Variants in YEATS2 observed in about 807,000 individuals in gnomAD.
YEATS2 encodes the protein YEATS domain containing 2, also known as YEATS domain-containing protein 2.
Under a neutral mutation model 163.2 loss-of-function variants are expected in YEATS2, and 77 were observed. The ratio of observed to expected loss-of-function variants is 0.47; its 90% CI spans 0.39 to 0.57. The LOEUF (loss-of-function observed/expected upper bound fraction) is 0.57, where lower values mean the gene tolerates loss of function less well. YEATS2 is among the 20% of genes least tolerant of loss of function. The pLI, the probability that YEATS2 is intolerant of heterozygous loss-of-function variation, is 0.00. For synonymous variants in YEATS2, 631 were observed against 645.1 expected (o/e 0.98, Z 0.33); for missense variants, 1,549 against 1,729.8 (o/e 0.90, Z 1.85).
intron 25 of YEATS2, 49 bp downstream of exon 25, chr3:183,801,577 C>A (rs766163177): frequency 7.0e-7 from 1 of 1,428,428 alleles, no homozygotes; most frequent in Non-Finnish European, 9.7e-7. Flanking sequence ...AAGCTGTGAA[C>A]TTAAGGTATT....
At chr3:183,778,496 A>G (rs969389160) in intron 19 of YEATS2, among the ~76,000 whole-genome samples, 3 of 152,234 alleles carry the variant, frequency 2.0e-5, no homozygotes, top group East Asian at 3.8e-4. Context: ...AGCTGGGATT[A>G]CAGGCATGCA....
Position 183,697,894 on chromosome 3 carries a change from G to A in YEATS2, c.-119G>A, listed in dbSNP as rs1224040661. On this transcript the variant is annotated 5_prime_UTR_variant, in exon 1 of 31. Coordinates refer to ENST00000305135, the MANE Select transcript of YEATS2 (RefSeq NM_018023.5). ...TTGCGGGGGTCGCTGGGGCCTTGTG[G>A]CGGGGCAGCTCCGCGGGGCTTCGCC... 2 of 150,328 alleles carry A rather than the reference G, an allele frequency of 1.3e-5. No individual in the cohort carries two copies. The highest frequency in any genetic ancestry group is 2.4e-5 in the African/African-American group (1 of 41,296). The allele number at this position is 150,328 out of a possible 1,614,324, so 9.3% of individuals were successfully genotyped here.
intron 20 of YEATS2, 79 bp from the exon 21 acceptor site, chr3:183,790,718 C>T (rs1724539182): frequency 6.8e-7 from 1 of 1,473,754 alleles, no homozygotes. Flanking sequence ...AGTGTGTGTG[C>T]TGTGTGGCCG....
Position 183,790,950 on chromosome 3 carries a change from A to G in YEATS2, c.3067A>G (p.Asn1023Asp), listed in dbSNP as rs764188982. The G allele has an allele frequency of 3.0e-5, 49 of 1,613,988 alleles. No homozygotes were observed. The highest frequency in any genetic ancestry group is 4.0e-5 in the Non-Finnish European group (47 of 1,180,002). ...VSATSLVPTP[N>D]PISGKATVSG... ...CGCCACGTCCCTCGTGCCTACACCAAACCCCATCTCTGGGAAAGCCACAGT... is the reference window on the plus strand; with the variant it reads ...CGCCACGTCCCTCGTGCCTACACCAGACCCCATCTCTGGGAAAGCCACAGT... Residue 1023 changes from asparagine (N) to aspartate (D), a missense_variant, in exon 21 of 31, where the codon AAC (asparagine) becomes GAC (aspartate). Coordinates refer to ENST00000305135, the MANE Select transcript of YEATS2 (RefSeq NM_018023.5).
rs146705467 is a variant in YEATS2 at position 183,775,955 on chromosome 3, CGGAGGAGGAGGA to C, written c.2427_2438del (p.Gly811_Gly814del). 2.0e-5 allele frequency: 32 copies of C among 1,582,072 alleles called. No individual in the cohort carries two copies. The highest frequency in any genetic ancestry group is 1.5e-4 in the Admixed American group (9 of 58,658). On this transcript the variant is annotated inframe_deletion, in exon 18 of 31. Transcript: ENST00000305135. ...CAGCTGCCAGTGGTGGGAGTGGTGC[CGGAGGAGGAGGA>C]GGAGGAGGAGGAGGAGGCGGCAGTG...
chr3:183,761,689 C>A, intron 14 of YEATS2, 75 bp downstream of exon 14: 1 of 1,331,012 alleles, frequency 7.5e-7, no homozygotes, highest in Non-Finnish European at 1.1e-6. Flanking sequence ...TGCCACTACC[C>A]CTACAACATG....
At chr3:183,806,710 T>C (rs1726241502) in intron 27 of YEATS2, 156 bp from the exon 28 acceptor site, 1 of 702,682 alleles carries the variant, frequency 1.4e-6, no homozygotes, top group Non-Finnish European at 2.4e-6. Context: ...GAATTACTAG[T>C]TCTCATCATT....
At position 183,755,428 on chromosome 3, in the gene YEATS2, A is replaced by G. The variant is rs937124645; in HGVS notation, c.1390+1063A>G. Among the ~76,000 whole-genome samples the G allele has an allele frequency of 6.6e-5, 10 of 152,118 alleles. No individual in the cohort carries two copies. In the East Asian group the frequency reaches 9.7e-4, roughly 15 times the overall value. On this transcript the variant is annotated intron_variant, in intron 11 of 30. Coordinates refer to ENST00000305135, the MANE Select transcript of YEATS2 (RefSeq NM_018023.5). ...CACCGTCCCCTGTCATTGGTAGGCA[A>G]TTTTACCTACCAGGTAGAAAAATTT... is the stretch of plus-strand genomic sequence containing the variant.
chr3:183,758,943 G>C lies in YEATS2; in HGVS notation c.1634G>C (p.Ser545Thr). ...CCTGTTCCTAAAATTCATGGAAGTA[G>C]TTTTGTAACATCTACTGTCAAGGTA... Reference protein sequence around the residue: ...GSPVPKIHGSSFVTSTVKQED... With the variant: ...GSPVPKIHGSTFVTSTVKQED... Residue 545 changes from serine to threonine, a missense_variant, in exon 13 of 31, where the codon AGT (serine) becomes ACT (threonine). Ser to Thr is a moderately conservative substitution (Grantham distance 58). Transcript: ENST00000305135. 1 of 1,586,524 alleles carries C rather than the reference G, an allele frequency of 6.3e-7. No individual in the cohort carries two copies. Among genetic ancestry groups the C allele is most frequent in the Non-Finnish European group, 8.6e-7 (1 of 1,169,320 alleles).
In YEATS2 at chr3:183,773,702, T is replaced by G; in HGVS notation, c.2276T>G (p.Leu759Arg). 6.2e-7 allele frequency: 1 copy of G among 1,613,680 alleles called. No individual in the cohort carries two copies. The highest frequency in any genetic ancestry group is 8.5e-7 in the Non-Finnish European group (1 of 1,179,870). The change falls in exon 17 of 31, where the codon CTC becomes CGC. Residue 759 changes from leucine (L) to arginine (R), a missense_variant. Leu to Arg is a moderately radical substitution (Grantham distance 102, BLOSUM62 -2). Transcript: ENST00000305135. ...GCAAATTTGCCTCCTGGCACTAAAC[T>G]CTACCTAACTACAAACAGCAAGAAC... ...NLANLPPGTK[L>R]YLTTNSKNPS...
At chr3:183,803,845 G>A (rs1406717785) in intron 26 of YEATS2, 142 bp from the exon 27 acceptor site, 45 of 788,338 alleles carry the variant, frequency 5.7e-5, no homozygotes, top group Non-Finnish European at 8.9e-5. Context: ...TTTTAATGGG[G>A]AGTAACACAA....
rs1303518163 is a variant in YEATS2 at position 183,721,951 on chromosome 3, T to A, written c.352T>A (p.Ser118Thr). The A allele has an allele frequency of 3.7e-6, 6 of 1,614,062 alleles. No homozygotes were observed. The highest frequency in any genetic ancestry group is 1.6e-4 in the Middle Eastern group (1 of 6,084). ...TCCTGCTATCAAGAAATTTTTGGAATCACCATCTAGGTCATCATCTCCTGC... is the reference window on the plus strand; with the variant it reads ...TCCTGCTATCAAGAAATTTTTGGAAACACCATCTAGGTCATCATCTCCTGC... ...NHPAIKKFLESPSRSSSPANQ... is the reference protein window; with the variant it reads ...NHPAIKKFLETPSRSSSPANQ... Residue 118 changes from serine (S) to threonine (T), a missense_variant, in exon 5 of 31, where the codon TCA becomes ACA. Coordinates refer to ENST00000305135, the MANE Select transcript of YEATS2 (RefSeq NM_018023.5).
At chr3:183,759,375 A>G (rs1414866549) in intron 13 of YEATS2, among the ~76,000 whole-genome samples, 1 of 152,238 alleles carries the variant, frequency 6.6e-6, no homozygotes, top group Non-Finnish European at 1.5e-5. Flanking sequence ...GTCACCCAGT[A>G]TCAATTTAAA....
chr3:183,804,988 C>A (rs1260811890), intron 27 of YEATS2, among the ~76,000 whole-genome samples: 2 of 145,082 alleles, frequency 1.4e-5, no homozygotes, highest in East Asian at 2.0e-4. Context: ...GACTCCGTCT[C>A]AAAAAAAAAA....
chr3:183,775,549 C>G (rs758189388), intron 17 of YEATS2, among the ~76,000 whole-genome samples: 1 of 152,178 alleles, frequency 6.6e-6, no homozygotes, highest in Non-Finnish European at 1.5e-5. Flanking sequence ...GAGCCAAGAT[C>G]TTGCCATTGC....
intron 5 of YEATS2, among the ~76,000 whole-genome samples, chr3:183,723,953 A>G (rs776992270): frequency 1.6e-4 from 25 of 152,168 alleles, no homozygotes; most frequent in Non-Finnish European, 3.1e-4. Flanking sequence ...GAAACTTAAC[A>G]TGTTTTATAC....
chr3:183,758,231 C>T (rs1720964246), intron 12 of YEATS2, among the ~76,000 whole-genome samples: 4 of 152,180 alleles, frequency 2.6e-5, no homozygotes, highest in East Asian at 1.9e-4. Context: ...GTAGCGCGTG[C>T]CTGTAGTCCC....
intron 10 of YEATS2, 101 bp downstream of exon 10, chr3:183,752,354 A>G (rs1250663724): frequency 1.4e-6 from 2 of 1,395,008 alleles, no homozygotes; most frequent in African/African-American, 2.9e-5. Context: ...CTTTGCTATA[A>G]GTGGACATGC....
intron 15 of YEATS2, among the ~76,000 whole-genome samples, 198 bp downstream of exon 15, chr3:183,762,477 T>TATGTATTGCAAAGG (rs1229862004): frequency 6.6e-6 from 1 of 152,184 alleles, no homozygotes; most frequent in African/African-American, 2.4e-5. Flanking sequence ...AGAGCCGCGT[T>TATGTATTGCAAAGG]ATGTATTGCA....
Sources: allele counts gnomAD v4.1 joint callset (sites outside exome capture counted in the v4.1 genomes callset), GRCh38; gene constraint gnomAD v4.1.1; transcripts MANE v1.5; gene names NCBI Gene and HGNC (gene_info 2026-07-23, HGNC 2026-07-21).